PGM5: variants seen among roughly 807,000 people sequenced by gnomAD.
The protein encoded by PGM5 is phosphoglucomutase-like protein 5.
A neutral mutation model predicts 59.2 loss-of-function variants in PGM5; 23 were observed. The ratio of observed to expected loss-of-function variants is 0.39; its 90% CI spans 0.28 to 0.55. The LOEUF (loss-of-function observed/expected upper bound fraction) is 0.55, where lower values mean the gene tolerates loss of function less well. Ranked by LOEUF, PGM5 falls within the 20% of genes least tolerant of loss-of-function variation. The probability of loss-of-function intolerance (pLI) is 0.66; values close to 1 mark genes in which losing one functional copy is unlikely to be tolerated. For synonymous variants in PGM5, 214 were observed against 286.0 expected, an observed-to-expected ratio of 0.75 and a Z score of 2.54; for missense variants, 574 against 748.3, an observed-to-expected ratio of 0.77 and a Z score of 2.72.
intron 6 of PGM5, among the ~76,000 whole-genome samples, chr9:68,444,062 C>CTTTCT (rs1305624997): frequency 1.2e-4 from 16 of 131,630 alleles, no homozygotes; most frequent in African/African-American, 4.1e-4. Flanking sequence ...TTCTTTCTTT[C>CTTTCT]TTTTTTTTTT....
intron 1 of PGM5, among the ~76,000 whole-genome samples, chr9:68,369,485 G>A (rs1359427976): frequency 7.9e-5 from 12 of 152,140 alleles, no homozygotes; most frequent in South Asian, 4.1e-4. Context: ...GAGTCAGACT[G>A]TATACCTTAA....
chr9:68,357,615 C>G lies in PGM5; in HGVS notation c.261+227C>G, dbSNP rs537522816. The G allele has an allele frequency of 3.2e-4, 218 of 678,932 alleles. No individual in the cohort carries two copies. In the African/African-American group the frequency reaches 3.7e-3, roughly 12 times the overall value. 42.1% of individuals were successfully genotyped at this position (678,932 alleles called of 1,614,324 possible). ...TATTAGTACCCACCGCCCCCAAAAG[C>G]CTTGAGGGGTTTCCGTCGTTCCTGG... On this transcript the variant is annotated intron_variant, in intron 1 of 10. Transcript: ENST00000396396.
At chr9:68,422,315 T>C (rs981003633) in intron 6 of PGM5, among the ~76,000 whole-genome samples, 6 of 152,218 alleles carry the variant, frequency 3.9e-5, no homozygotes, top group Admixed American at 2.0e-4. Context: ...TTTTTATTCA[T>C]GTTGAGTTAT....
At position 68,387,564 on chromosome 9, in the gene PGM5, A is replaced by G. The variant is rs1822257862; in HGVS notation, c.673A>G (p.Ile225Val). 2 of 1,612,178 alleles carry G rather than the reference A, an allele frequency of 1.2e-6. No homozygotes were observed. Among genetic ancestry groups the G allele is most frequent in the East Asian group, 2.2e-5 (1 of 44,844 alleles). The change falls in exon 4 of 11, where the codon ATT becomes GTT. Residue 225 changes from isoleucine (I) to valine (V), a missense_variant. Physicochemically the swap from Ile to Val is conservative, Grantham distance 29 (BLOSUM62 3). This residue lies in a region of PGM5 where 103 missense variants were observed against 112.4 expected (regional missense o/e 0.92). Transcript: ENST00000396396. The part of the protein sequence containing the change: ...GLLTGPSQLK[I>V]RIDAMHGVMG... ...GCTGACTGGACCCAGCCAACTGAAG[A>G]TTCGCATTGACGCAATGCACGGAGG... is the stretch of plus-strand genomic sequence containing the variant.
At chr9:68,484,861 C>G (rs367751589) in intron 9 of PGM5, among the ~76,000 whole-genome samples, 1 of 152,130 alleles carries the variant, frequency 6.6e-6, no homozygotes, top group Non-Finnish European at 1.5e-5. Context: ...TTTGAGCCCC[C>G]GTGCCCTGGA....
intron 6 of PGM5, 98 bp from the exon 7 acceptor site, chr9:68,464,995 T>A: frequency 1.5e-6 from 1 of 686,024 alleles, no homozygotes; most frequent in Middle Eastern, 2.6e-4. Context: ...GAAATCTAGC[T>A]ATGGATTTAG....
At chr9:68,489,734 C>A (rs898472252) in intron 9 of PGM5, among the ~76,000 whole-genome samples, 1 of 152,104 alleles carries the variant, frequency 6.6e-6, no homozygotes, top group African/African-American at 2.4e-5. Context: ...CCCAAACCAA[C>A]TCCTATATTT....
chr9:68,463,818 C>T (rs1292389907), intron 6 of PGM5, among the ~76,000 whole-genome samples: 2 of 152,138 alleles, frequency 1.3e-5, no homozygotes, highest in African/African-American at 4.8e-5. Flanking sequence ...ATACAGCAGA[C>T]AGTCTCTGAC....
chr9:68,496,905 T>G (rs1465154805), intron 9 of PGM5: 2 of 152,226 alleles, frequency 1.3e-5, no homozygotes, highest in Admixed American at 6.5e-5. Flanking sequence ...GGTTAGGACC[T>G]CATCCTTAGA....
At chr9:68,435,916 A>G (rs1488459291) in intron 6 of PGM5, among the ~76,000 whole-genome samples, 1 of 152,210 alleles carries the variant, frequency 6.6e-6, no homozygotes, top group Non-Finnish European at 1.5e-5. Context: ...TCTACCTTAC[A>G]AAGTAGGTGA....
chr9:68,505,480 T>C (rs12351373), intron 10 of PGM5, among the ~76,000 whole-genome samples: 2 of 152,186 alleles, frequency 1.3e-5, no homozygotes, highest in Admixed American at 1.3e-4. Flanking sequence ...GCTACCCACA[T>C]TTTTGCCTTG....
chr9:68,491,231 G>A (rs1364686566), intron 9 of PGM5, among the ~76,000 whole-genome samples: 1 of 152,286 alleles, frequency 6.6e-6, no homozygotes, highest in Non-Finnish European at 1.5e-5. Flanking sequence ...TTTGTTGAAC[G>A]GTATTACAGA....
chr9:68,432,501 A>G (rs1487785489), intron 6 of PGM5, among the ~76,000 whole-genome samples: 1 of 151,858 alleles, frequency 6.6e-6, no homozygotes, highest in Admixed American at 6.6e-5. Context: ...GTGCCTGACC[A>G]TGTTTTAAAC....
chr9:68,369,130 T>C (rs1398658296), intron 1 of PGM5, among the ~76,000 whole-genome samples: 1 of 152,218 alleles, frequency 6.6e-6, no homozygotes, highest in Non-Finnish European at 1.5e-5. Context: ...AAAGATTGAC[T>C]CAAGGGCAAG....
At chr9:68,373,301 C>G (rs1310678728) in intron 1 of PGM5, among the ~76,000 whole-genome samples, 1 of 151,416 alleles carries the variant, frequency 6.6e-6, no homozygotes, top group Non-Finnish European at 1.5e-5. Flanking sequence ...CCTCTTCTCT[C>G]TGGTATTGAT....
intron 6 of PGM5, among the ~76,000 whole-genome samples, chr9:68,414,007 A>G (rs1348741638): frequency 6.6e-6 from 1 of 152,194 alleles, no homozygotes; most frequent in Non-Finnish European, 1.5e-5. Context: ...TCCCTCATGA[A>G]TAAATTAATT....
chr9:68,388,899 CTA>C (rs1159498360), intron 4 of PGM5, among the ~76,000 whole-genome samples: 2 of 151,466 alleles, frequency 1.3e-5, no homozygotes, highest in Non-Finnish European at 1.5e-5. Context: ...GTGTGGGACT[CTA>C]TCTTTATTAT....
In PGM5 at chr9:68,392,636, C is replaced by A. The variant is rs551946077; in HGVS notation, c.1043+163C>A. On this transcript the variant is annotated intron_variant, in intron 6 of 10. Coordinates refer to ENST00000396396, the MANE Select transcript of PGM5 (RefSeq NM_021965.4). Reference sequence around the variant, plus strand: ...GGGTAGAAGCTGGAGAATCAGGTGGCCTGAGCTTAATTCTTGGTTCTGCCA... The same window carrying A: ...GGGTAGAAGCTGGAGAATCAGGTGGACTGAGCTTAATTCTTGGTTCTGCCA... Among the ~76,000 whole-genome samples the A allele has an allele frequency of 1.5e-4, 23 of 152,188 alleles. No individual in the cohort carries two copies. The East Asian group carries it at 4.3e-3, about 28-fold the overall frequency.
chr9:68,479,723 A>G (rs1268988928), intron 8 of PGM5, among the ~76,000 whole-genome samples, 170 bp downstream of exon 8: 1 of 152,166 alleles, frequency 6.6e-6, no homozygotes, highest in Non-Finnish European at 1.5e-5. Flanking sequence ...TCACGAGGTC[A>G]GGAGATCGAG....
Sources: gnomAD v4.1 joint callset for allele counts (sites outside exome capture counted in the v4.1 genomes callset) on GRCh38, gnomAD v4.1.1 for gene constraint, gnomAD v4.1.1 regional missense constraint, MANE v1.5 for transcripts, NCBI Gene and HGNC (gene_info 2026-07-23, HGNC 2026-07-21) for gene names.